DCC: variants seen among roughly 807,000 people sequenced by gnomAD.
DCC encodes the protein DCC netrin 1 receptor.
Under a neutral mutation model 172.5 loss-of-function variants are expected in DCC, and 58 were observed. The observed-to-expected ratio is 0.34, with a 90% confidence interval of 0.27 to 0.42. DCC has a LOEUF of 0.42. Among genes scored for constraint, DCC ranks in the 10% least tolerant of loss-of-function variants. The pLI is 1.00. For synonymous variants in DCC, 709 were observed against 644.5 expected, an observed-to-expected ratio of 1.10 and a Z score of -1.52; for missense variants, 1,740 against 1,791.0, an observed-to-expected ratio of 0.97 and a Z score of 0.51.
At chr18:52,583,044 A>T (rs1436455206) in intron 1 of DCC, among the ~76,000 whole-genome samples, 3 of 152,138 alleles carry the variant, frequency 2.0e-5, no homozygotes, top group Non-Finnish European at 4.4e-5. Context: ...AGAAAATTCA[A>T]ATAGGGACCT....
chr18:52,745,308 G>A (rs2036890271), intron 1 of DCC, among the ~76,000 whole-genome samples: 1 of 152,110 alleles, frequency 6.6e-6, no homozygotes, highest in Non-Finnish European at 1.5e-5. Flanking sequence ...CAAGATAGTA[G>A]AAGGGACACA....
At chr18:53,513,059 G>C (rs2046278816) in intron 27 of DCC, among the ~76,000 whole-genome samples, 1 of 152,198 alleles carries the variant, frequency 6.6e-6, no homozygotes, top group South Asian at 2.1e-4. Context: ...GGAAGCCAGA[G>C]AGAAAGGTCG....
chr18:53,152,192 G>A (rs1040722337), intron 7 of DCC, among the ~76,000 whole-genome samples: 3 of 152,130 alleles, frequency 2.0e-5, no homozygotes, highest in Admixed American at 2.0e-4. Context: ...GAGCAACATG[G>A]GGAATGAAAC....
At chr18:52,880,440 T>A (rs2145403286) in intron 2 of DCC, among the ~76,000 whole-genome samples, 1 of 152,268 alleles carries the variant, frequency 6.6e-6, no homozygotes, top group Middle Eastern at 3.4e-3. Flanking sequence ...TTAGCCACCT[T>A]GCCCGGCCTT....
intron 1 of DCC, among the ~76,000 whole-genome samples, chr18:52,574,504 A>G (rs1041745148): frequency 2.6e-5 from 4 of 152,202 alleles, no homozygotes; most frequent in African/African-American, 7.2e-5. Context: ...AGATAGAGCT[A>G]TGGAATAGTT....
At chr18:52,853,633 C>T (rs150804110) in intron 2 of DCC, among the ~76,000 whole-genome samples, 1 of 152,270 alleles carries the variant, frequency 6.6e-6, no homozygotes, top group African/African-American at 2.4e-5. Context: ...ATGATTGACA[C>T]AGGAAACAAG....
chr18:52,432,620 G>T (rs376578251), intron 1 of DCC, among the ~76,000 whole-genome samples: 1 of 152,118 alleles, frequency 6.6e-6, no homozygotes, highest in Non-Finnish European at 1.5e-5. Context: ...TTTGCTTCAT[G>T]TTGCATTTGC....
chr18:52,518,749 G>A (rs1373553804), intron 1 of DCC, among the ~76,000 whole-genome samples: 1 of 152,168 alleles, frequency 6.6e-6, no homozygotes, highest in Non-Finnish European at 1.5e-5. Flanking sequence ...ACCATTCTTT[G>A]CTCATAAACT....
At chr18:52,479,365 G>T (rs1463655879) in intron 1 of DCC, among the ~76,000 whole-genome samples, 3 of 152,054 alleles carry the variant, frequency 2.0e-5, no homozygotes. Flanking sequence ...ATTTAACTTA[G>T]CACTGTGGAA....
intron 13 of DCC, among the ~76,000 whole-genome samples, chr18:53,315,283 G>T (rs1379312663): frequency 6.6e-6 from 1 of 152,144 alleles, no homozygotes; most frequent in Non-Finnish European, 1.5e-5. Context: ...TCCCTGCAAA[G>T]GACATGAACC....
chr18:53,394,809 A>T (rs1181827247), intron 17 of DCC, among the ~76,000 whole-genome samples: 1 of 152,166 alleles, frequency 6.6e-6, no homozygotes, highest in Non-Finnish European at 1.5e-5. Flanking sequence ...TAATGCTATG[A>T]AGTCAGTGCT....
rs186024080 is a variant in DCC, at chr18:53,108,764, G to T, written c.1261+42598G>T. On this transcript the variant is annotated intron_variant, in intron 7 of 28. Coordinates refer to ENST00000442544, the MANE Select transcript of DCC (RefSeq NM_005215.4). ...CGTCCATGTTGCATAGCTATAGTTT[G>T]CTCAATGAATTGCTATTGAGTGTTT... Among the ~76,000 whole-genome samples, 849 of 151,586 alleles carry T rather than the reference G, an allele frequency of 5.6e-3. 6 individuals are homozygous for T. Among genetic ancestry groups the T allele is most frequent in the Admixed American group, 0.022 (338 of 15,140 alleles).
intron 1 of DCC, among the ~76,000 whole-genome samples, chr18:52,677,934 A>G (rs1031575054): frequency 3.3e-5 from 5 of 152,212 alleles, no homozygotes; most frequent in African/African-American, 9.6e-5. Context: ...CTGAAAACAA[A>G]TAAATCAAAT....
intron 1 of DCC, among the ~76,000 whole-genome samples, chr18:52,672,295 G>C (rs373155864): frequency 4.6e-5 from 7 of 152,022 alleles, no homozygotes; most frequent in African/African-American, 1.4e-4. Context: ...GTGTGTATAC[G>C]CTTCATAATT....
chr18:52,412,735 A>T (rs1046592859), intron 1 of DCC, among the ~76,000 whole-genome samples: 3 of 152,098 alleles, frequency 2.0e-5, no homozygotes, highest in African/African-American at 7.2e-5. Flanking sequence ...GCATCTCCAG[A>T]TTTCTGCTTC....
Position 52,523,479 on chromosome 18 carries a change from A to C in DCC, c.91+182601A>C, listed in dbSNP as rs118119078. On this transcript the variant is annotated intron_variant, in intron 1 of 28. Coordinates refer to ENST00000442544, the MANE Select transcript of DCC (RefSeq NM_005215.4). ...GTAGAAGTGTGTTTTCACTTTTTAGAAACAAATTGTTTATTTTAGAAAAAT... is the reference window on the plus strand; with the variant it reads ...GTAGAAGTGTGTTTTCACTTTTTAGCAACAAATTGTTTATTTTAGAAAAAT... Among the ~76,000 whole-genome samples, 14 of 152,320 alleles carry C rather than the reference A, an allele frequency of 9.2e-5. No homozygotes were observed. In the East Asian group the frequency reaches 2.5e-3, roughly 27 times the overall value.
intron 3 of DCC, among the ~76,000 whole-genome samples, chr18:52,911,671 C>T (rs886469926): frequency 1.3e-5 from 2 of 151,786 alleles, no homozygotes; most frequent in East Asian, 1.9e-4. Context: ...ACCCAAAAAA[C>T]GGAAGTGAAC....
At chr18:52,815,987 C>G (rs2038290084) in intron 2 of DCC, among the ~76,000 whole-genome samples, 1 of 152,178 alleles carries the variant, frequency 6.6e-6, no homozygotes, top group African/African-American at 2.4e-5. Context: ...GATAAACCAA[C>G]CAATTAGTGA....
rs202005334 is a variant in DCC at position 52,752,084 on chromosome 18, G to A, written c.122G>A (p.Arg41His). 1.7e-5 allele frequency: 28 copies of A among 1,613,926 alleles called. 1 individual carries two copies. The highest frequency in any genetic ancestry group is 2.4e-5 in the Non-Finnish European group (28 of 1,180,004). ...GFQIKAFTALRFLSEPSDAVT... is the reference protein window; with the variant it reads ...GFQIKAFTALHFLSEPSDAVT... ...CAAATTAAAGCTTTCACAGCACTGCGCTTCCTCTCAGAACCTTCTGATGCC... is the reference window on the plus strand; with the variant it reads ...CAAATTAAAGCTTTCACAGCACTGCACTTCCTCTCAGAACCTTCTGATGCC... The change falls in exon 2 of 29, where the codon CGC becomes CAC. Residue 41 changes from arginine (R) to histidine (H), a missense_variant. Arg to His is a conservative substitution (Grantham distance 29). Transcript: ENST00000442544.
Sources: gnomAD v4.1 joint callset for allele counts (sites outside exome capture counted in the v4.1 genomes callset) on GRCh38, gnomAD v4.1.1 for gene constraint, MANE v1.5 for transcripts, NCBI Gene and HGNC (gene_info 2026-07-23, HGNC 2026-07-21) for gene names.